The following ZMIZ1 variants were observed in gnomAD, a reference collection of about 807,000 sequenced individuals.
ZMIZ1 encodes zinc finger MIZ-type containing 1, also known as zinc finger MIZ domain-containing protein 1.
In ZMIZ1, 17 loss-of-function variants were observed where a neutral mutation model predicts 113.9. The observed-to-expected ratio is 0.15, with a 90% CI of 0.10 to 0.22. ZMIZ1 has a LOEUF of 0.22. Ranked by LOEUF, ZMIZ1 falls within the 10% of genes least tolerant of loss-of-function variation. The pLI is 1.00. For synonymous variants in ZMIZ1, 607 were observed against 603.1 expected (o/e 1.01, Z -0.09); for missense variants, 1,059 against 1,477.8 (o/e 0.72, Z 4.65).
rs1418774097 is a variant in ZMIZ1 at position 79,297,483 on chromosome 10, A to C, written c.1414-130A>C. 7.1e-5 allele frequency: 55 copies of C among 770,004 alleles called. No homozygotes were observed. The East Asian group carries it at 1.3e-3, about 19-fold the overall frequency. The allele number at this position is 770,004 out of a possible 1,614,324, so 47.7% of individuals were successfully genotyped here. On this transcript the variant is annotated intron_variant, in intron 13 of 24. Coordinates refer to ENST00000334512, the MANE Select transcript of ZMIZ1 (RefSeq NM_020338.4). ...TGTAGCTGTCCCGCCCTGCTCACTC[A>C]ATATACCCAGCAGTGGATGGGCCCC...
At chr10:79,200,497 C>T (rs1437201551) in intron 4 of ZMIZ1, among the ~76,000 whole-genome samples, 1 of 152,208 alleles carries the variant, frequency 6.6e-6, no homozygotes, top group Non-Finnish European at 1.5e-5. Flanking sequence ...TGAGCACTCC[C>T]TTCTCCTGCA....
At chr10:79,140,718 C>T (rs188322447) in intron 3 of ZMIZ1, among the ~76,000 whole-genome samples, 1 of 152,278 alleles carries the variant, frequency 6.6e-6, no homozygotes, top group East Asian at 1.9e-4. Flanking sequence ...CTCTTTAATT[C>T]ACTCATCAAA....
rs367544335 is a variant in ZMIZ1 at position 79,209,396 on chromosome 10, C to T, written c.174+947C>T. ...CCAACAGGGCCCCATGGAAGTCACT[C>T]GAAGCTTGAGAATGTCCCCAGCCAT... On this transcript the variant is annotated intron_variant, in intron 6 of 24. Coordinates refer to ENST00000334512, the MANE Select transcript of ZMIZ1 (RefSeq NM_020338.4). Among the ~76,000 whole-genome samples, 11 of 152,190 alleles carry T rather than the reference C, an allele frequency of 7.2e-5. No individual in the cohort carries two copies. The East Asian group carries it at 7.7e-4, about 11-fold the overall frequency.
chr10:79,166,429 G>A (rs1180785206), intron 4 of ZMIZ1, among the ~76,000 whole-genome samples: 4 of 152,210 alleles, frequency 2.6e-5, no homozygotes, highest in Admixed American at 1.3e-4. Context: ...GCTGCACTCC[G>A]TGTGTGGCCA....
intron 8 of ZMIZ1, among the ~76,000 whole-genome samples, chr10:79,286,482 G>T (rs538603808): frequency 6.6e-6 from 1 of 152,242 alleles, no homozygotes. Context: ...CAGCAGGTGC[G>T]TGTGGAGGCA....
At chr10:79,288,532 A>C (rs1853243078) in intron 8 of ZMIZ1, among the ~76,000 whole-genome samples, 1 of 150,542 alleles carries the variant, frequency 6.6e-6, no homozygotes, top group South Asian at 2.1e-4. Flanking sequence ...ACGCACACAC[A>C]CATACACACA....
At chr10:79,167,908 G>C (rs374803718) in intron 4 of ZMIZ1, among the ~76,000 whole-genome samples, 3 of 152,202 alleles carry the variant, frequency 2.0e-5, no homozygotes, top group East Asian at 3.9e-4. Flanking sequence ...ACCAGCCCAG[G>C]TCTCCAGCGA....
Position 79,249,923 on chromosome 10 carries a change from ATCTG to A in ZMIZ1, c.281-27255_281-27252del, listed in dbSNP as rs1850444905. Among the ~76,000 whole-genome samples, 3 of 152,230 alleles carry A rather than the reference ATCTG, an allele frequency of 2.0e-5. No individual in the cohort carries two copies. The South Asian group carries it at 6.2e-4, about 32-fold the overall frequency. ...GTCAGACAGTAATTATGAAACCCAC[ATCTG>A]TCATTTACCAGGTGACTTTGAGTAA... On this transcript the variant is annotated intron_variant, in intron 7 of 24. Transcript: ENST00000334512.
chr10:79,084,081 A>G (rs779165691), intron 1 of ZMIZ1, among the ~76,000 whole-genome samples: 6 of 152,150 alleles, frequency 3.9e-5, no homozygotes, highest in Non-Finnish European at 7.3e-5. Context: ...GTTTCCCAAC[A>G]TGTTAGTCAT....
At chr10:79,137,789 C>T (rs1362892620) in intron 2 of ZMIZ1, among the ~76,000 whole-genome samples, 1 of 151,838 alleles carries the variant, frequency 6.6e-6, no homozygotes, top group Non-Finnish European at 1.5e-5. Flanking sequence ...GAGGGCTGGA[C>T]CCTGGGGGAG....
intron 8 of ZMIZ1, among the ~76,000 whole-genome samples, chr10:79,286,795 G>A (rs560868931): frequency 2.0e-5 from 3 of 152,350 alleles, no homozygotes; most frequent in South Asian, 2.1e-4. Context: ...CCTGTGTAGC[G>A]TCCTGGGCTG....
chr10:79,243,045 G>A (rs1174367602), intron 7 of ZMIZ1, among the ~76,000 whole-genome samples: 1 of 151,236 alleles, frequency 6.6e-6, no homozygotes, highest in African/African-American at 2.4e-5. Flanking sequence ...CGCGCGAGCC[G>A]GGGCTCCCTG....
intron 7 of ZMIZ1, among the ~76,000 whole-genome samples, chr10:79,271,957 A>C (rs1005690594): frequency 6.6e-6 from 1 of 152,200 alleles, no homozygotes; most frequent in African/African-American, 2.4e-5. Flanking sequence ...AACACTTTGT[A>C]GGTGTTAGTG....
intron 4 of ZMIZ1, among the ~76,000 whole-genome samples, chr10:79,170,023 C>G (rs1190465347): frequency 6.6e-6 from 1 of 152,206 alleles, no homozygotes. Flanking sequence ...GAGATGGAGA[C>G]ACAGTGCTTC....
At chr10:79,102,172 C>T (rs1019507186) in intron 1 of ZMIZ1, among the ~76,000 whole-genome samples, 1 of 152,234 alleles carries the variant, frequency 6.6e-6, no homozygotes, top group African/African-American at 2.4e-5. Flanking sequence ...GGGAACAAAC[C>T]CAGAAAGCCA....
chr10:79,069,989 C>G lies in ZMIZ1; in HGVS notation c.-337+719C>G, dbSNP rs1842200987. Among the ~76,000 whole-genome samples, 1 of 150,654 alleles carries G rather than the reference C, an allele frequency of 6.6e-6. No individual in the cohort carries two copies. The highest frequency in any genetic ancestry group is 6.6e-5 in the Admixed American group (1 of 15,168). On this transcript the variant is annotated intron_variant, in intron 1 of 24. Coordinates refer to ENST00000334512, the MANE Select transcript of ZMIZ1 (RefSeq NM_020338.4). The surrounding 1 kb of genome is among the most constrained non-coding windows in gnomAD (Gnocchi z 4.6). ...GGCTGCCCCGGCCAGGAGGGGAGCCCAGGGGGAAGATGTGCGTGTGTGTGC... is the reference window on the plus strand; with the variant it reads ...GGCTGCCCCGGCCAGGAGGGGAGCCGAGGGGGAAGATGTGCGTGTGTGTGC...
At chr10:79,079,463 A>T (rs1007226794) in intron 1 of ZMIZ1, among the ~76,000 whole-genome samples, 17 of 152,254 alleles carry the variant, frequency 1.1e-4, no homozygotes, top group South Asian at 4.1e-4. Context: ...TGGAACTGTC[A>T]TGCTGCCTTT....
chr10:79,286,666 G>A lies in ZMIZ1; in HGVS notation c.426-3109G>A, dbSNP rs542919864. Among the ~76,000 whole-genome samples the A allele has an allele frequency of 7.2e-5, 11 of 152,370 alleles. No homozygotes were observed. In the East Asian group the frequency reaches 1.7e-3, roughly 24 times the overall value. On this transcript the variant is annotated intron_variant, in intron 8 of 24. Transcript: ENST00000334512. ...GCAGTGGGATGGCCAGTTTGGGAAC[G>A]TTGGTTAGCTTTGCTTCTCACCAAG... is the stretch of plus-strand genomic sequence containing the variant.
chr10:79,070,320 G>A (rs968722487), intron 1 of ZMIZ1, among the ~76,000 whole-genome samples: 1 of 152,072 alleles, frequency 6.6e-6, no homozygotes, highest in Non-Finnish European at 1.5e-5. Context: ...GGCGCGGTGC[G>A]GAGGGCAGGC....
Sources: allele counts gnomAD v4.1 joint callset (sites outside exome capture counted in the v4.1 genomes callset), GRCh38; gene constraint gnomAD v4.1.1; non-coding constraint Gnocchi (gnomAD v3.1); transcripts MANE v1.5; gene names NCBI Gene and HGNC (gene_info 2026-07-23, HGNC 2026-07-21).